APP: variants seen among roughly 807,000 people sequenced by gnomAD.
The protein encoded by APP is amyloid-beta precursor protein.
APP carries 31 observed loss-of-function variants against 101.4 expected under a neutral mutation model. The observed-to-expected ratio is 0.31, with a 90% CI of 0.23 to 0.41. The LOEUF (loss-of-function observed/expected upper bound fraction) is 0.41, where lower values mean the gene tolerates loss of function less well. Ranked by LOEUF, APP falls within the 10% of genes least tolerant of loss-of-function variation. The pLI is 1.00. For synonymous variants in APP, 366 were observed against 364.4 expected (o/e 1.00, Z -0.05); for missense variants, 839 against 1,003.7 (o/e 0.84, Z 2.22).
At chr21:25,885,144 G>C (rs2037240222) in intron 17 of APP, among the ~76,000 whole-genome samples, 1 of 152,238 alleles carries the variant, frequency 6.6e-6, no homozygotes, top group East Asian at 1.9e-4. Flanking sequence ...CTTGACAAAA[G>C]GGCATCCAAG....
At chr21:26,045,432 A>G (rs2045567630) in intron 5 of APP, among the ~76,000 whole-genome samples, 2 of 152,252 alleles carry the variant, frequency 1.3e-5, no homozygotes, top group African/African-American at 4.8e-5. Context: ...TCAGAAATCC[A>G]TACCTTCAAA....
chr21:26,089,060 C>CT (rs910391032), intron 3 of APP, among the ~76,000 whole-genome samples: 1 of 152,094 alleles, frequency 6.6e-6, no homozygotes, highest in African/African-American at 2.4e-5. Flanking sequence ...TGAAATATTC[C>CT]TTTTAACCTT....
At chr21:26,153,347 A>G (rs1021426657) in intron 1 of APP, among the ~76,000 whole-genome samples, 1 of 152,210 alleles carries the variant, frequency 6.6e-6, no homozygotes, top group Non-Finnish European at 1.5e-5. Context: ...CCTATTGTTT[A>G]TATTTACTAA....
rs191210784 is a variant in APP at position 25,970,050 on chromosome 21, G to A, written c.1458+5020C>T. 5.9e-5 allele frequency among the ~76,000 whole-genome samples: 9 copies of A among 151,788 alleles called. No homozygotes were observed. In the East Asian group the frequency reaches 1.4e-3, roughly 23 times the overall value. On this transcript the variant is annotated intron_variant, in intron 11 of 17. Transcript: ENST00000346798. Reference sequence around the variant, plus strand: ...AATAAATAAATAAATAAATAAATCCGAGTTAAGAATTTAACAGGAATCCTT... The same window carrying A: ...AATAAATAAATAAATAAATAAATCCAAGTTAAGAATTTAACAGGAATCCTT...
chr21:26,166,180 A>G (rs924056009), intron 1 of APP, among the ~76,000 whole-genome samples: 3 of 152,242 alleles, frequency 2.0e-5, no homozygotes, highest in Non-Finnish European at 4.4e-5. Context: ...TTGCAAAATC[A>G]GCTTCAGGGT....
chr21:26,059,012 C>T (rs1035656743), intron 3 of APP, among the ~76,000 whole-genome samples: 1 of 151,164 alleles, frequency 6.6e-6, no homozygotes, highest in African/African-American at 2.4e-5. Context: ...ACCCGGGAGG[C>T]GGAGCTTGCA....
At chr21:25,972,906 G>C (rs1418554718) in intron 11 of APP, among the ~76,000 whole-genome samples, 1 of 151,008 alleles carries the variant, frequency 6.6e-6, no homozygotes, top group African/African-American at 2.4e-5. Context: ...ACCGCTTACA[G>C]AGAGAGAGAG....
chr21:26,042,693 G>A (rs1309173469), intron 5 of APP, among the ~76,000 whole-genome samples: 1 of 151,796 alleles, frequency 6.6e-6, no homozygotes, highest in Non-Finnish European at 1.5e-5. Context: ...CTTGAGGCCA[G>A]GAGTTTGAAA....
At chr21:26,089,694 C>T in intron 3 of APP, 1 of 389,452 alleles carries the variant, frequency 2.6e-6, no homozygotes, top group Middle Eastern at 7.5e-4. Flanking sequence ...AGTCCTGGAA[C>T]TGGCCCAGGA....
rs371521643 is a variant in APP at position 25,884,838 on chromosome 21, A to G, written c.2212-3067T>C. Among the ~76,000 whole-genome samples the G allele has an allele frequency of 7.9e-5, 12 of 152,360 alleles. 1 individual carries two copies. In the South Asian group the frequency reaches 2.3e-3, roughly 29 times the overall value. On this transcript the variant is annotated intron_variant, in intron 17 of 17. Transcript: ENST00000346798. The stretch of plus-strand genomic sequence containing the variant: ...CACATCTACCATCACACTGGCTGTC[A>G]ACAATCATTTGCATGCATCAAGGGC...
At chr21:26,087,782 T>C (rs1298144196) in intron 3 of APP, among the ~76,000 whole-genome samples, 1 of 152,172 alleles carries the variant, frequency 6.6e-6, no homozygotes, top group Non-Finnish European at 1.5e-5. Flanking sequence ...CAAACAGGTA[T>C]TTGGTAGATG....
intron 6 of APP, among the ~76,000 whole-genome samples, chr21:26,012,738 C>T (rs1480386669): frequency 6.6e-6 from 1 of 152,104 alleles, no homozygotes; most frequent in Non-Finnish European, 1.5e-5. Context: ...CTTTGGGAGG[C>T]CAAGGTGGGT....
At chr21:25,905,415 G>C (rs1457883346) in intron 14 of APP, among the ~76,000 whole-genome samples, 2 of 152,136 alleles carry the variant, frequency 1.3e-5, no homozygotes, top group East Asian at 3.8e-4. Context: ...CTTTTGATTA[G>C]AAATAAAATA....
At chr21:26,007,336 C>T (rs2043575079) in intron 6 of APP, among the ~76,000 whole-genome samples, 1 of 147,264 alleles carries the variant, frequency 6.8e-6, no homozygotes. Flanking sequence ...TTCAATATTT[C>T]AAATAAACGT....
At chr21:26,061,772 T>TAGGA (rs2145997117) in intron 3 of APP, among the ~76,000 whole-genome samples, 1 of 152,310 alleles carries the variant, frequency 6.6e-6, no homozygotes, top group South Asian at 2.1e-4. Flanking sequence ...TGCCAGATGG[T>TAGGA]AGGAACTAAA....
intron 1 of APP, among the ~76,000 whole-genome samples, chr21:26,163,065 TAAAAA>T (rs140862192): frequency 1.6e-5 from 2 of 123,500 alleles, no homozygotes; most frequent in Admixed American, 8.5e-5. Flanking sequence ...CTGTCTCTAC[TAAAAA>T]AAAAAAAAAC....
At chr21:25,930,949 C>T (rs148788307) in intron 13 of APP, among the ~76,000 whole-genome samples, 1 of 152,262 alleles carries the variant, frequency 6.6e-6, no homozygotes, top group Non-Finnish European at 1.5e-5. Flanking sequence ...AGAGCATTCA[C>T]GATGCACAGG....
At chr21:26,001,439 G>A (rs925756548) in intron 6 of APP, among the ~76,000 whole-genome samples, 2 of 152,136 alleles carry the variant, frequency 1.3e-5, no homozygotes, top group African/African-American at 2.4e-5. Context: ...TACTGACAGA[G>A]GAAAAAACAC....
intron 11 of APP, among the ~76,000 whole-genome samples, chr21:25,964,078 A>T (rs1157633145): frequency 6.6e-6 from 1 of 152,192 alleles, no homozygotes; most frequent in Non-Finnish European, 1.5e-5. Flanking sequence ...CTATTAATCC[A>T]CTTAGTTCAT....
Sources: gnomAD v4.1 joint callset for allele counts (sites outside exome capture counted in the v4.1 genomes callset) on GRCh38, gnomAD v4.1.1 for gene constraint, MANE v1.5 for transcripts, NCBI Gene and HGNC (gene_info 2026-07-23, HGNC 2026-07-21) for gene names.